Variants in PPP4R1 observed in about 807,000 individuals in gnomAD.
The protein encoded by PPP4R1 is serine/threonine-protein phosphatase 4 regulatory subunit 1.
In PPP4R1, 42 loss-of-function variants were observed where a neutral mutation model predicts 111.2. That is an observed-to-expected ratio of 0.38 (90% CI 0.29 to 0.49). PPP4R1 has a LOEUF of 0.49. PPP4R1 is among the 20% of genes least tolerant of loss of function. The pLI, the probability that PPP4R1 is intolerant of heterozygous loss-of-function variation, is 0.97. For synonymous variants in PPP4R1, 409 were observed against 405.5 expected, an observed-to-expected ratio of 1.01 and a Z score of -0.10; for missense variants, 1,012 against 1,161.6, an observed-to-expected ratio of 0.87 and a Z score of 1.87.
chr18:9,578,610 T>C (rs2066976676), intron 9 of PPP4R1, among the ~76,000 whole-genome samples: 2 of 151,558 alleles, frequency 1.3e-5, no homozygotes, highest in Admixed American at 1.3e-4. Flanking sequence ...AATAATTATA[T>C]AGTAAGCATG....
chr18:9,593,612 T>A (rs2067246103), intron 4 of PPP4R1, among the ~76,000 whole-genome samples, 156 bp downstream of exon 4: 1 of 152,194 alleles, frequency 6.6e-6, no homozygotes, highest in Non-Finnish European at 1.5e-5. Context: ...CAGTAACAAA[T>A]TTTACTTTTG....
At chr18:9,579,697 CTTTT>C (rs1361920720) in intron 9 of PPP4R1, among the ~76,000 whole-genome samples, 1 of 152,266 alleles carries the variant, frequency 6.6e-6, no homozygotes, top group Admixed American at 6.5e-5. Context: ...CAAGTACAGA[CTTTT>C]TTCCTTGTCA....
chr18:9,549,965 A>G lies in PPP4R1; in HGVS notation c.2547+87T>C, dbSNP rs2066462981. 17 of 1,567,536 alleles carry G rather than the reference A, an allele frequency of 1.1e-5. No individual in the cohort carries two copies. In the South Asian group the frequency reaches 1.8e-4, roughly 17 times the overall value. On this transcript the variant is annotated intron_variant, in intron 18 of 19. Coordinates refer to ENST00000400556, the MANE Select transcript of PPP4R1 (RefSeq NM_001042388.3). Reference sequence around the variant, plus strand: ...AAGGTTCTGTTCCTTAAGAGTAAGGAAGAGGGTGAGAGAGAGGTAGGAAGT... The same window carrying G: ...AAGGTTCTGTTCCTTAAGAGTAAGGGAGAGGGTGAGAGAGAGGTAGGAAGT...
At chr18:9,567,102 T>G (rs1367933051) in intron 11 of PPP4R1, among the ~76,000 whole-genome samples, 1 of 152,210 alleles carries the variant, frequency 6.6e-6, no homozygotes, top group Admixed American at 6.5e-5. Context: ...CAAAGTAAAC[T>G]GAAAACCTTC....
intron 11 of PPP4R1, among the ~76,000 whole-genome samples, chr18:9,564,846 G>C (rs1351050854): frequency 6.6e-6 from 1 of 150,696 alleles, no homozygotes; most frequent in Admixed American, 6.6e-5. Flanking sequence ...TCTTTAAAGA[G>C]GTGAGGTCCC....
At chr18:9,576,422 A>C (rs183348024) in intron 10 of PPP4R1, among the ~76,000 whole-genome samples, 1 of 152,100 alleles carries the variant, frequency 6.6e-6, no homozygotes, top group East Asian at 1.9e-4. Context: ...TTAAAATTTA[A>C]ATTTAATAGA....
At chr18:9,565,039 CTGTGGCAAGCTTACA>C (rs1340013278) in intron 11 of PPP4R1, among the ~76,000 whole-genome samples, 1 of 152,098 alleles carries the variant, frequency 6.6e-6, no homozygotes, top group East Asian at 1.9e-4. Context: ...AACTAAAGGT[CTGTGGCAAGCTTACA>C]TTTAGCAAGT....
At chr18:9,562,119 C>T (rs1300645468) in intron 12 of PPP4R1, 44 bp from the exon 13 acceptor site, 1 of 1,417,138 alleles carries the variant, frequency 7.1e-7, no homozygotes, top group African/African-American at 1.4e-5. Flanking sequence ...CCTGTCTGTA[C>T]ATCTTCATTT....
intron 10 of PPP4R1, among the ~76,000 whole-genome samples, chr18:9,572,086 A>G (rs1443769889): frequency 1.3e-5 from 2 of 152,224 alleles, no homozygotes; most frequent in African/African-American, 4.8e-5. Context: ...TGCATGCTGC[A>G]GGTAACAAAA....
chr18:9,590,850 A>G (rs1169057409), intron 4 of PPP4R1, among the ~76,000 whole-genome samples: 1 of 152,234 alleles, frequency 6.6e-6, no homozygotes, highest in Non-Finnish European at 1.5e-5. Context: ...AAAAATCTCA[A>G]AGAAGACACA....
intron 2 of PPP4R1, 97 bp from the exon 3 acceptor site, chr18:9,595,250 C>CAA (rs60279081): frequency 1.6e-5 from 17 of 1,096,452 alleles, no homozygotes; most frequent in African/African-American, 6.6e-5. Flanking sequence ...TGGAATGGTA[C>CAA]AAAAAAAAAA....
In PPP4R1 at chr18:9,588,354, CAAAT is replaced by C. The variant is rs1428495269; in HGVS notation, c.439-123_439-120del. On this transcript the variant is annotated intron_variant, in intron 5 of 19. Transcript: ENST00000400556. The stretch of plus-strand genomic sequence containing the variant: ...GGGACCCATAACTGGCAAAACTCCG[CAAAT>C]AAATATTTGTGTTTATTTTCTTCAA... The C allele has an allele frequency of 2.0e-5, 21 of 1,065,646 alleles. No individual in the cohort carries two copies. The Admixed American group carries it at 3.9e-4, about 20-fold the overall frequency. 66.0% of individuals were successfully genotyped at this position (1,065,646 alleles called of 1,614,324 possible). A position where few individuals can be genotyped will look rare whatever the true frequency, so the allele number is the denominator to read the frequency against.
intron 9 of PPP4R1, among the ~76,000 whole-genome samples, chr18:9,578,938 T>A (rs962742153): frequency 6.6e-6 from 1 of 152,218 alleles, no homozygotes; most frequent in East Asian, 1.9e-4. Flanking sequence ...CATAGAAAAC[T>A]TAATTTATCT....
chr18:9,592,684 A>C (rs185901937), intron 4 of PPP4R1, among the ~76,000 whole-genome samples: 1 of 152,260 alleles, frequency 6.6e-6, no homozygotes, highest in African/African-American at 2.4e-5. Flanking sequence ...CAAAAAAAAA[A>C]AAAACTCTGG....
chr18:9,556,732 G>C (rs1363379165), intron 15 of PPP4R1, among the ~76,000 whole-genome samples: 1 of 152,196 alleles, frequency 6.6e-6, no homozygotes, highest in African/African-American at 2.4e-5. Flanking sequence ...TTAATACACA[G>C]TTGACTTTCA....
At chr18:9,577,393 A>G (rs1161486807) in intron 9 of PPP4R1, among the ~76,000 whole-genome samples, 2 of 152,234 alleles carry the variant, frequency 1.3e-5, no homozygotes, top group Non-Finnish European at 2.9e-5. Context: ...GGCTGGGCGC[A>G]GTGGCTCATG....
In PPP4R1 at chr18:9,607,985, T is replaced by C. The variant is rs549363082; in HGVS notation, c.52+6241A>G. On this transcript the variant is annotated intron_variant, in intron 2 of 19. Coordinates refer to ENST00000400556, the MANE Select transcript of PPP4R1 (RefSeq NM_001042388.3). The stretch of plus-strand genomic sequence containing the variant: ...TTTTAATAGAGACGGGGTTTCACCA[T>C]GTTGGCCAGGCTGGTCTTGAACTCC... Among the ~76,000 whole-genome samples the C allele has an allele frequency of 6.4e-4, 97 of 152,136 alleles. 1 individual carries two copies. The highest frequency in any genetic ancestry group is 1.7e-3 in the African/African-American group (71 of 41,492).
Position 9,588,720 on chromosome 18 carries a change from C to T in PPP4R1, c.429G>A (p.Gln143=). 2 of 1,609,220 alleles carry T rather than the reference C, an allele frequency of 1.2e-6. No homozygotes were observed. The highest frequency in any genetic ancestry group is 1.1e-5 in the South Asian group (1 of 90,648). Reference sequence around the variant, plus strand: ...TAAATGGTACTCTTACCTGATTATTCTGATCTGCAAGGTATCTAACCACAA... The same window carrying T: ...TAAATGGTACTCTTACCTGATTATTTTGATCTGCAAGGTATCTAACCACAA... ...LPIVVRYLAD[Q]NNQVRKTSQA... Residue 143 remains glutamine, a synonymous_variant, in exon 5 of 20, where the codon CAG becomes CAA. Coordinates refer to ENST00000400556, the MANE Select transcript of PPP4R1 (RefSeq NM_001042388.3).
At chr18:9,616,709 T>G (rs1044695169), upstream of PPP4R1, among the ~76,000 whole-genome samples, 2 of 152,240 alleles carry the variant, frequency 1.3e-5, no homozygotes, top group African/African-American at 4.8e-5. Flanking sequence ...ACTTAACAGT[T>G]CTCAGTAATC....
Sources: gnomAD v4.1 joint callset for allele counts (sites outside exome capture counted in the v4.1 genomes callset) on GRCh38, gnomAD v4.1.1 for gene constraint, MANE v1.5 for transcripts, NCBI Gene and HGNC (gene_info 2026-07-23, HGNC 2026-07-21) for gene names.